The following CARMIL1 variants were observed in gnomAD, a reference collection of about 807,000 sequenced individuals.
CARMIL1 encodes the protein capping protein regulator and myosin 1 linker 1.
Under a neutral mutation model 177.1 loss-of-function variants are expected in CARMIL1, and 90 were observed. That is an observed-to-expected ratio of 0.51 (90% CI 0.43 to 0.61). The LOEUF is 0.61. CARMIL1 is among the 20% of genes least tolerant of loss of function. CARMIL1 has a pLI of 0.00. For synonymous variants in CARMIL1, 577 were observed against 606.2 expected (o/e 0.95, Z 0.71); for missense variants, 1,380 against 1,667.0 (o/e 0.83, Z 3.00).
intron 8 of CARMIL1, among the ~76,000 whole-genome samples, chr6:25,450,986 TCCC>T (rs1798843837): frequency 8.9e-5 from 1 of 11,290 alleles, no homozygotes; most frequent in Non-Finnish European, 2.0e-4. Context: ...CCTCTCCCCC[TCCC>T]CTCTCCCCTC....
At chr6:25,417,728 A>G (rs9461166) in intron 2 of CARMIL1, among the ~76,000 whole-genome samples, 60,303 of 151,964 alleles carry the variant, frequency 0.4, 12,097 homozygotes, top group Middle Eastern at 0.47. Flanking sequence ...TTTAAATTAT[A>G]CTCTTCTTAA....
At chr6:25,616,070 T>C (rs375684001) in intron 36 of CARMIL1, among the ~76,000 whole-genome samples, 5 of 152,196 alleles carry the variant, frequency 3.3e-5, no homozygotes, top group East Asian at 3.8e-4. Flanking sequence ...CTATTAACTT[T>C]AGTAGTATGT....
At chr6:25,358,521 A>T (rs1337434591) in intron 2 of CARMIL1, among the ~76,000 whole-genome samples, 2 of 152,150 alleles carry the variant, frequency 1.3e-5, no homozygotes, top group Non-Finnish European at 2.9e-5. Context: ...GAAGAGTCAA[A>T]ATTAGAAAAT....
At chr6:25,424,479 C>T (rs1357482388) in intron 3 of CARMIL1, among the ~76,000 whole-genome samples, 1 of 152,162 alleles carries the variant, frequency 6.6e-6, no homozygotes. Context: ...GCTGCATTTT[C>T]ATAGCTGTTA....
intron 2 of CARMIL1, among the ~76,000 whole-genome samples, chr6:25,290,417 A>G (rs74518974): frequency 1.4e-5 from 2 of 147,674 alleles, no homozygotes; most frequent in African/African-American, 5.1e-5. Flanking sequence ...AGGAAAAACA[A>G]TGTCTGGCAG....
intron 2 of CARMIL1, among the ~76,000 whole-genome samples, chr6:25,333,159 A>T (rs1785866732): frequency 6.6e-6 from 1 of 152,244 alleles, no homozygotes; most frequent in African/African-American, 2.4e-5. Context: ...ACTACACTGT[A>T]TCCCTTGGAA....
At chr6:25,504,058 C>T (rs1490836756) in intron 17 of CARMIL1, among the ~76,000 whole-genome samples, 2 of 152,082 alleles carry the variant, frequency 1.3e-5, no homozygotes, top group African/African-American at 2.4e-5. Flanking sequence ...TTGATGTCAT[C>T]TTATATTTAT....
chr6:25,332,266 C>G (rs1433955095), intron 2 of CARMIL1, among the ~76,000 whole-genome samples: 1 of 152,148 alleles, frequency 6.6e-6, no homozygotes, highest in Non-Finnish European at 1.5e-5. Context: ...AGCCTTTTCC[C>G]CATTTACTCG....
intron 26 of CARMIL1, among the ~76,000 whole-genome samples, chr6:25,544,606 T>C (rs1486683486): frequency 1.4e-5 from 2 of 142,416 alleles, no homozygotes; most frequent in African/African-American, 2.7e-5. Context: ...GTTACTAGAC[T>C]ACACACACAC....
intron 3 of CARMIL1, among the ~76,000 whole-genome samples, chr6:25,424,925 T>C (rs1239392008): frequency 2.0e-5 from 3 of 152,182 alleles, no homozygotes; most frequent in Admixed American, 2.0e-4. Context: ...TGGGCTTAAC[T>C]CAAAGAAAAA....
At chr6:25,549,192 T>G (rs1809818931) in intron 26 of CARMIL1, among the ~76,000 whole-genome samples, 1 of 152,204 alleles carries the variant, frequency 6.6e-6, no homozygotes, top group Admixed American at 6.5e-5. Flanking sequence ...TCCACAGAAA[T>G]TTCATGTCAG....
chr6:25,298,566 G>A (rs1782609541), intron 2 of CARMIL1, among the ~76,000 whole-genome samples: 3 of 152,180 alleles, frequency 2.0e-5, no homozygotes, highest in Admixed American at 1.3e-4. Context: ...TTTCATTGCA[G>A]ATCTGCATGT....
intron 29 of CARMIL1, among the ~76,000 whole-genome samples, chr6:25,564,965 C>T (rs968927723): frequency 1.3e-5 from 2 of 152,080 alleles, no homozygotes; most frequent in Non-Finnish European, 2.9e-5. Context: ...GGAAGGCTTC[C>T]TGGAGGAAGG....
rs184878461 is a variant in CARMIL1, at chr6:25,413,900, A to G, written c.139-6214A>G. On this transcript the variant is annotated intron_variant, in intron 2 of 36. Coordinates refer to ENST00000329474, the MANE Select transcript of CARMIL1 (RefSeq NM_017640.6). ...AAAATTGCAGCCTAGGAGAAGTTTC[A>G]ATATCTTTGTATTTTTTGTTTGTTT... 3.2e-3 allele frequency among the ~76,000 whole-genome samples: 486 copies of G among 152,320 alleles called. 2 individuals are homozygous for G. Among genetic ancestry groups the G allele is most frequent in the Middle Eastern group, 0.027 (8 of 294 alleles).
chr6:25,458,075 C>T (rs1799698400), intron 8 of CARMIL1, among the ~76,000 whole-genome samples: 1 of 151,862 alleles, frequency 6.6e-6, no homozygotes, highest in Admixed American at 6.6e-5. Context: ...AAATTAAATT[C>T]TTATAGTCAT....
At chr6:25,340,562 G>A (rs1379668459) in intron 2 of CARMIL1, among the ~76,000 whole-genome samples, 1 of 152,132 alleles carries the variant, frequency 6.6e-6, no homozygotes, top group Non-Finnish European at 1.5e-5. Context: ...GCCAATTCAT[G>A]TAGCTTTGTT....
chr6:25,377,988 G>T (rs1791160199), intron 2 of CARMIL1, among the ~76,000 whole-genome samples: 1 of 152,154 alleles, frequency 6.6e-6, no homozygotes, highest in Non-Finnish European at 1.5e-5. Context: ...AGCTACCAGG[G>T]TAGGATTGAG....
intron 29 of CARMIL1, among the ~76,000 whole-genome samples, chr6:25,568,307 TA>T (rs1322825133): frequency 1.3e-5 from 2 of 152,264 alleles, no homozygotes; most frequent in East Asian, 3.9e-4. Flanking sequence ...TAATAGAAAT[TA>T]AAAAGGTAAA....
rs899507884 is a variant in CARMIL1, at chr6:25,554,913, C to T, written c.2592+817C>T. On this transcript the variant is annotated intron_variant, in intron 28 of 36. Transcript: ENST00000329474. This position sits in a 1 kb window ranked among gnomAD's most constrained non-coding sequence, Gnocchi z 4.6. Reference sequence around the variant, plus strand: ...CCTAAAATGAGAGGAGCAGCAATAGCTTCTTCTGCGTGAAACAGACAAAAT... The same window carrying T: ...CCTAAAATGAGAGGAGCAGCAATAGTTTCTTCTGCGTGAAACAGACAAAAT... Among the ~76,000 whole-genome samples the T allele has an allele frequency of 6.6e-6, 1 of 152,178 alleles. No individual in the cohort carries two copies. Among genetic ancestry groups the T allele is most frequent in the African/African-American group, 2.4e-5 (1 of 41,448 alleles).
Sources: gnomAD v4.1 joint callset for allele counts (sites outside exome capture counted in the v4.1 genomes callset) on GRCh38, gnomAD v4.1.1 for gene constraint, Gnocchi (gnomAD v3.1) non-coding constraint, MANE v1.5 for transcripts, NCBI Gene and HGNC (gene_info 2026-07-23, HGNC 2026-07-21) for gene names.